XKR9: variants seen among roughly 807,000 people sequenced by gnomAD.
The protein encoded by XKR9 is XK related 9, also known as XK-related protein 9.
In XKR9, 32 loss-of-function variants were observed where a neutral mutation model predicts 32.0. The observed-to-expected ratio is 1.00, with a 90% CI of 0.76 to 1.34. The LOEUF is 1.34. XKR9 is among the 40% of genes most tolerant of loss of function. The pLI, the probability that XKR9 is intolerant of heterozygous loss-of-function variation, is 0.00. For synonymous variants in XKR9, 168 were observed against 143.4 expected (o/e 1.17, Z -1.22); for missense variants, 546 against 429.7 (o/e 1.27, Z -2.39).
At chr8:70,821,703 C>T in the XKR9 span, among the ~76,000 whole-genome samples, 1 of 152,240 alleles carries the variant, frequency 6.6e-6, no homozygotes. Context: ...CTTGCACCCT[C>T]TGAAGCAATG....
At chr8:70,908,946 T>C in the XKR9 span, among the ~76,000 whole-genome samples, 1 of 152,222 alleles carries the variant, frequency 6.6e-6, no homozygotes, top group Non-Finnish European at 1.5e-5. Flanking sequence ...CTGGAGACTC[T>C]GATTCAGGAG....
At chr8:70,671,139 C>T (rs1818701713) in intron 1 of XKR9, among the ~76,000 whole-genome samples, 1 of 152,210 alleles carries the variant, frequency 6.6e-6, no homozygotes, top group South Asian at 2.1e-4. Flanking sequence ...TCAAGCGATT[C>T]AGGTGATCCT....
chr8:70,753,167 G>T (rs1807167004), intron 2 of XKR9, among the ~76,000 whole-genome samples: 1 of 152,204 alleles, frequency 6.6e-6, no homozygotes, highest in South Asian at 2.1e-4. Context: ...AAATCTAGAA[G>T]AAATGGATAA....
the XKR9 span, among the ~76,000 whole-genome samples, chr8:71,042,133 C>T: frequency 1.3e-5 from 2 of 152,116 alleles, no homozygotes; most frequent in Non-Finnish European, 2.9e-5. Context: ...CCAGATGATG[C>T]TTTGAGGACA....
chr8:71,031,101 T>C, the XKR9 span, among the ~76,000 whole-genome samples: 1 of 152,208 alleles, frequency 6.6e-6, no homozygotes, highest in Non-Finnish European at 1.5e-5. Context: ...GGAGACTACA[T>C]TCTATTTATA....
At chr8:70,801,934 C>T in the XKR9 span, among the ~76,000 whole-genome samples, 14 of 149,940 alleles carry the variant, frequency 9.3e-5, no homozygotes, top group Admixed American at 8.6e-4. Context: ...TTTTCTTTTT[C>T]TTTCTTTTTT....
At chr8:71,014,147 C>A in the XKR9 span, among the ~76,000 whole-genome samples, 2 of 152,164 alleles carry the variant, frequency 1.3e-5, no homozygotes, top group South Asian at 4.1e-4. Context: ...GAAAAGCATC[C>A]TTTTACCTTG....
chr8:70,964,077 C>T, the XKR9 span, among the ~76,000 whole-genome samples: 1 of 152,146 alleles, frequency 6.6e-6, no homozygotes, highest in African/African-American at 2.4e-5. Context: ...AGATTTTCTT[C>T]TAGGGTTTTT....
At chr8:70,988,657 A>G in the XKR9 span, among the ~76,000 whole-genome samples, 77 of 152,198 alleles carry the variant, frequency 5.1e-4, no homozygotes, top group Non-Finnish European at 9.3e-4. Context: ...GTGACCCCAC[A>G]ACTTAAAAAA....
the XKR9 span, among the ~76,000 whole-genome samples, chr8:70,888,643 AG>A: frequency 1.3e-5 from 2 of 152,006 alleles, no homozygotes; most frequent in East Asian, 3.8e-4. Context: ...CGTGAGAGAT[AG>A]GGGTCTACTT....
At chr8:70,992,779 A>G in the XKR9 span, among the ~76,000 whole-genome samples, 7 of 152,198 alleles carry the variant, frequency 4.6e-5, no homozygotes, top group Admixed American at 1.3e-4. Context: ...CAGCACTCCC[A>G]CAACCAGGCT....
the XKR9 span, among the ~76,000 whole-genome samples, chr8:70,923,825 T>C: frequency 6.6e-6 from 1 of 152,352 alleles, no homozygotes; most frequent in East Asian, 1.9e-4. Flanking sequence ...CCAGGAATAC[T>C]CATAGTGTCT....
intron 3 of XKR9, among the ~76,000 whole-genome samples, chr8:70,697,881 A>T (rs1267089480): frequency 9.9e-5 from 15 of 152,092 alleles, no homozygotes; most frequent in African/African-American, 3.1e-4. Context: ...TGGTCTATTC[A>T]GAGATTCAAC....
chr8:70,707,206 C>A, intron 4 of XKR9, 53 bp downstream of exon 4: 3 of 1,397,306 alleles, frequency 2.1e-6, no homozygotes, highest in South Asian at 1.3e-5. Context: ...GACCTTACGT[C>A]AACTATATAA....
the XKR9 span, among the ~76,000 whole-genome samples, chr8:70,876,530 C>T: frequency 6.6e-6 from 1 of 151,952 alleles, no homozygotes; most frequent in Non-Finnish European, 1.5e-5. Context: ...AAAAAATGGT[C>T]CTTAGCTTTT....
the XKR9 span, among the ~76,000 whole-genome samples, chr8:70,938,698 C>T: frequency 6.6e-6 from 1 of 152,034 alleles, no homozygotes; most frequent in African/African-American, 2.4e-5. Flanking sequence ...TTTTCGCTGG[C>T]CGTTTAGTAA....
chr8:70,687,344 TTCTTTCTTTCTTTCTC>T (rs1458802704), intron 3 of XKR9, among the ~76,000 whole-genome samples: 3 of 132,960 alleles, frequency 2.3e-5, no homozygotes, highest in Non-Finnish European at 4.8e-5. Flanking sequence ...CTTTCTTTCT[TTCTTTCTTTCTTTCTC>T]TCTTTCCTTT....
chr8:70,921,082 A>G, the XKR9 span, among the ~76,000 whole-genome samples: 2 of 152,252 alleles, frequency 1.3e-5, no homozygotes, highest in Non-Finnish European at 2.9e-5. Flanking sequence ...TCCATACTTA[A>G]TAAATGCAAG....
At chr8:70,886,051 C>A in the XKR9 span, among the ~76,000 whole-genome samples, 52 of 152,204 alleles carry the variant, frequency 3.4e-4, no homozygotes, top group South Asian at 3.7e-3. Context: ...GTCCCCTACC[C>A]CCGCACAGGC....
Sources: gnomAD v4.1 joint callset for allele counts (sites outside exome capture counted in the v4.1 genomes callset) on GRCh38, gnomAD v4.1.1 for gene constraint, MANE v1.5 for transcripts, NCBI Gene and HGNC (gene_info 2026-07-23, HGNC 2026-07-21) for gene names.